Variants in ME1 observed in about 807,000 individuals in gnomAD.
ME1 encodes the protein NADP-dependent malic enzyme.
Under a neutral mutation model 66.4 loss-of-function variants are expected in ME1, and 74 were observed. That is an observed-to-expected ratio of 1.11 (90% confidence interval 0.92 to 1.35). The LOEUF (loss-of-function observed/expected upper bound fraction) is 1.35, where lower values mean the gene tolerates loss of function less well. ME1 is among the 40% of genes most tolerant of loss of function. The pLI, the probability that ME1 is intolerant of heterozygous loss-of-function variation, is 0.00. For synonymous variants in ME1, 251 were observed against 235.6 expected (o/e 1.07, Z -0.60); for missense variants, 750 against 694.1 (o/e 1.08, Z -0.90).
In ME1 at chr6:83,211,767, TC is replaced by T. The variant is rs1410827154; in HGVS notation, c.*156del. Reference sequence around the variant, plus strand: ...GCAAAATTGTCTCATGTGATGTTTATCCCAATTTATATCGATATTCTTCTAT... The same window carrying T: ...GCAAAATTGTCTCATGTGATGTTTATCCAATTTATATCGATATTCTTCTAT... On this transcript the variant is annotated 3_prime_UTR_variant, in exon 14 of 14. Coordinates refer to ENST00000369705, the MANE Select transcript of ME1 (RefSeq NM_002395.6). 3 of 499,786 alleles carry T rather than the reference TC, an allele frequency of 6.0e-6. No homozygotes were observed. The highest frequency in any genetic ancestry group is 7.9e-5 in the Admixed American group (2 of 25,458). The allele number at this position is 499,786 out of a possible 1,614,324, so 31.0% of individuals were successfully genotyped here.
chr6:83,287,291 T>G (rs1406510887), intron 6 of ME1, among the ~76,000 whole-genome samples: 1 of 152,028 alleles, frequency 6.6e-6, no homozygotes, highest in African/African-American at 2.4e-5. Flanking sequence ...TCTCCTAATG[T>G]TATCCCTCCC....
chr6:83,404,237 T>G (rs1252533875), intron 2 of ME1, among the ~76,000 whole-genome samples: 3 of 151,938 alleles, frequency 2.0e-5, no homozygotes, highest in African/African-American at 7.2e-5. Context: ...GGTTTTGATT[T>G]GCATTTCTCT....
chr6:83,421,962 A>G (rs1012369310), intron 1 of ME1, among the ~76,000 whole-genome samples: 13 of 152,268 alleles, frequency 8.5e-5, no homozygotes, highest in Admixed American at 8.5e-4. Context: ...CATCAGATGC[A>G]AATAAATCTG....
chr6:83,243,485 T>C (rs2128526491), intron 7 of ME1, among the ~76,000 whole-genome samples: 1 of 130,890 alleles, frequency 7.6e-6, no homozygotes, highest in South Asian at 2.2e-4. Context: ...TAATCTATTA[T>C]AATTATGTTA....
chr6:83,243,722 T>C (rs1357106243), intron 7 of ME1, among the ~76,000 whole-genome samples: 4 of 133,360 alleles, frequency 3.0e-5, no homozygotes, highest in African/African-American at 1.1e-4. Context: ...AATAATTGTG[T>C]ATTTATATAA....
At chr6:83,391,567 T>C (rs1769620549) in intron 3 of ME1, among the ~76,000 whole-genome samples, 1 of 152,148 alleles carries the variant, frequency 6.6e-6, no homozygotes, top group Admixed American at 6.6e-5. Context: ...GATCATGTCA[T>C]GTAACTGCGT....
intron 6 of ME1, among the ~76,000 whole-genome samples, chr6:83,280,341 G>C (rs1767264242): frequency 1.3e-5 from 2 of 152,146 alleles, no homozygotes; most frequent in African/African-American, 2.4e-5. Flanking sequence ...AGGGCCAGCA[G>C]GGAAGAACTG....
intron 11 of ME1, among the ~76,000 whole-genome samples, chr6:83,224,690 A>T (rs987415047): frequency 5.6e-5 from 8 of 143,810 alleles, no homozygotes; most frequent in African/African-American, 1.9e-4. Context: ...GCTCAAAAAA[A>T]AAAAAAATAA....
chr6:83,264,089 T>C (rs1332024518), intron 6 of ME1, among the ~76,000 whole-genome samples: 1 of 152,158 alleles, frequency 6.6e-6, no homozygotes, highest in African/African-American at 2.4e-5. Flanking sequence ...CTGGTGACAT[T>C]AATCTGAAGC....
intron 5 of ME1, 127 bp downstream of exon 5, chr6:83,346,046 T>G: frequency 2.8e-6 from 2 of 710,794 alleles, no homozygotes; most frequent in South Asian, 2.6e-5. Flanking sequence ...AAAGGGCAGA[T>G]TTGGAGAGAG....
At chr6:83,376,650 A>C (rs550242877) in intron 3 of ME1, among the ~76,000 whole-genome samples, 1 of 151,404 alleles carries the variant, frequency 6.6e-6, no homozygotes, top group South Asian at 2.1e-4. Flanking sequence ...AAAAAAAAAA[A>C]AAATTAGCTG....
chr6:83,212,194 A>G, intron 13 of ME1, 100 bp from the exon 14 acceptor site: 1 of 743,246 alleles, frequency 1.3e-6, no homozygotes, highest in Non-Finnish European at 2.0e-6. Context: ...ACTGTATCCT[A>G]TGTTTGCAAA....
At chr6:83,329,902 A>G (rs1768372204) in intron 5 of ME1, among the ~76,000 whole-genome samples, 1 of 152,088 alleles carries the variant, frequency 6.6e-6, no homozygotes, top group Non-Finnish European at 1.5e-5. Flanking sequence ...ACAGCTCACT[A>G]TAGCCTCGAA....
Position 83,223,893 on chromosome 6 carries a change from A to T in ME1, c.1316T>A (p.Val439Asp). 6.2e-7 allele frequency: 1 copy of T among 1,614,068 alleles called. No individual in the cohort carries two copies. Among genetic ancestry groups the T allele is most frequent in the Non-Finnish European group, 8.5e-7 (1 of 1,179,972 alleles). The change falls in exon 12 of 14, where the codon GTC (valine) becomes GAC (aspartate). Residue 439 changes from valine to aspartate, a missense_variant. Coordinates refer to ENST00000369705, the MANE Select transcript of ME1 (RefSeq NM_002395.6). Reference protein sequence around the residue: ...IFASGSPFDPVTLPNGQTLYP... With the variant: ...IFASGSPFDPDTLPNGQTLYP... ...TAGGGTCTGTCCATTTGGAAGAGTGACTGGATCAAAAGGACTGCCACTGGC... is the reference window on the plus strand; with the variant it reads ...TAGGGTCTGTCCATTTGGAAGAGTGTCTGGATCAAAAGGACTGCCACTGGC...
intron 3 of ME1, among the ~76,000 whole-genome samples, chr6:83,352,632 C>CA (rs1297083990): frequency 6.6e-6 from 1 of 152,116 alleles, no homozygotes; most frequent in Non-Finnish European, 1.5e-5. Context: ...GTAGTTCTTT[C>CA]ATGTGGAGCT....
At chr6:83,416,721 C>T (rs890418399) in intron 1 of ME1, among the ~76,000 whole-genome samples, 1 of 151,720 alleles carries the variant, frequency 6.6e-6, no homozygotes, top group African/African-American at 2.4e-5. Flanking sequence ...AGATCCCCAT[C>T]TCTACAAAAA....
At chr6:83,414,107 T>C (rs1351894087) in intron 1 of ME1, among the ~76,000 whole-genome samples, 2 of 115,060 alleles carry the variant, frequency 1.7e-5, no homozygotes, top group African/African-American at 3.7e-5. Flanking sequence ...CAAGACCCCA[T>C]CTTGAAAAAA....
chr6:83,237,414 A>AAG (rs1194258752), intron 9 of ME1, among the ~76,000 whole-genome samples: 1 of 151,802 alleles, frequency 6.6e-6, no homozygotes, highest in African/African-American at 2.4e-5. Flanking sequence ...AAGAAAAAGA[A>AAG]AGAAAGAAAG....
intron 3 of ME1, among the ~76,000 whole-genome samples, chr6:83,357,083 G>C (rs1768905485): frequency 6.6e-6 from 1 of 152,066 alleles, no homozygotes; most frequent in Admixed American, 6.6e-5. Context: ...CCCTCTATTT[G>C]AGTTTGCATA....
Sources: allele counts gnomAD v4.1 joint callset (sites outside exome capture counted in the v4.1 genomes callset), GRCh38; gene constraint gnomAD v4.1.1; transcripts MANE v1.5; gene names NCBI Gene and HGNC (gene_info 2026-07-23, HGNC 2026-07-21).